The following STK31 variants were observed in gnomAD, a reference collection of about 807,000 sequenced individuals.
The protein encoded by STK31 is serine/threonine-protein kinase 31.
STK31 carries 89 observed loss-of-function variants against 129.7 expected under a neutral mutation model. That is an observed-to-expected ratio of 0.69 (90% CI 0.58 to 0.82). STK31 has a LOEUF of 0.82. STK31 is among the 40% of genes least tolerant of loss of function. STK31 has a pLI of 0.00. For synonymous variants in STK31, 448 were observed against 395.3 expected, an observed-to-expected ratio of 1.13 and a Z score of -1.58; for missense variants, 1,187 against 1,176.4, an observed-to-expected ratio of 1.01 and a Z score of -0.13.
intron 22 of STK31, among the ~76,000 whole-genome samples, chr7:23,805,810 T>C (rs1436449590): frequency 6.6e-6 from 1 of 152,208 alleles, no homozygotes; most frequent in African/African-American, 2.4e-5. Flanking sequence ...AAGGACATTA[T>C]TATGTCTCTT....
At position 23,729,086 on chromosome 7, in the gene STK31, TC is replaced by T; in HGVS notation, c.325-3del. On this transcript the variant is annotated splice_region_variant and splice_polypyrimidine_tract_variant and intron_variant, in intron 5 of 23. Transcript: ENST00000355870. ...GTATTCGTATTTGTCTCTTATTTTT[TC>T]CAGTGTCTGGTGAGGTACATTGACT... 1 of 1,583,366 alleles carries T rather than the reference TC, an allele frequency of 6.3e-7. No homozygotes were observed. The highest frequency in any genetic ancestry group is 2.3e-5 in the East Asian group (1 of 44,074).
At chr7:23,805,233 G>T (rs1271198484) in intron 22 of STK31, among the ~76,000 whole-genome samples, 1 of 151,844 alleles carries the variant, frequency 6.6e-6, no homozygotes, top group African/African-American at 2.4e-5. Flanking sequence ...ACGCTGCCAT[G>T]CCTGGCTAAT....
chr7:23,752,143 T>C (rs1448496562), intron 8 of STK31, among the ~76,000 whole-genome samples: 2 of 152,082 alleles, frequency 1.3e-5, no homozygotes, highest in Non-Finnish European at 2.9e-5. Context: ...GTTATGTATA[T>C]TTTACCACAA....
At chr7:23,772,090 C>T in intron 14 of STK31, 57 bp from the exon 15 acceptor site, 1 of 1,278,324 alleles carries the variant, frequency 7.8e-7, no homozygotes, top group Non-Finnish European at 1.1e-6. Context: ...TAAATGATCA[C>T]TGTTCAATAA....
intron 8 of STK31, among the ~76,000 whole-genome samples, chr7:23,741,256 A>G (rs1163511673): frequency 6.6e-6 from 1 of 152,140 alleles, no homozygotes; most frequent in Non-Finnish European, 1.5e-5. Flanking sequence ...TCTCCAAGCT[A>G]TAGTTCTTTT....
intron 10 of STK31, among the ~76,000 whole-genome samples, chr7:23,761,111 CTTAT>C (rs1476825372): frequency 6.6e-6 from 1 of 152,006 alleles, no homozygotes; most frequent in African/African-American, 2.4e-5. Flanking sequence ...AAAAACCTGC[CTTAT>C]TTGTTTTTGT....
intron 8 of STK31, among the ~76,000 whole-genome samples, chr7:23,747,614 C>T (rs547099232): frequency 5.9e-5 from 9 of 151,972 alleles, no homozygotes; most frequent in East Asian, 1.9e-4. Context: ...GTGATCCACC[C>T]GCCTCGGCCT....
At chr7:23,767,363 A>C (rs2128101792) in intron 11 of STK31, among the ~76,000 whole-genome samples, 1 of 152,286 alleles carries the variant, frequency 6.6e-6, no homozygotes, top group South Asian at 2.1e-4. Flanking sequence ...GGAAGAGTGA[A>C]AGTCTGGACC....
chr7:23,815,371 CTTAA>C lies in STK31; in HGVS notation c.2829+165_2829+168del, dbSNP rs530075036. On this transcript the variant is annotated intron_variant, in intron 23 of 23. Transcript: ENST00000355870. ...AATTCAGGTGCCCTACTTAACACCACTTAATTAATACACCAGGGTTACTCTGCTG... is the reference window on the plus strand; with the variant it reads ...AATTCAGGTGCCCTACTTAACACCACTTAATACACCAGGGTTACTCTGCTG... Among the ~76,000 whole-genome samples the C allele has an allele frequency of 9.2e-4, 140 of 152,158 alleles. 1 individual carries two copies. In the South Asian group the frequency reaches 0.012, roughly 13 times the overall value.
intron 22 of STK31, among the ~76,000 whole-genome samples, chr7:23,813,910 C>G (rs1169550706): frequency 6.6e-6 from 1 of 151,784 alleles, no homozygotes; most frequent in Non-Finnish European, 1.5e-5. Flanking sequence ...TGTGGTTTTC[C>G]TTTGTTGGTG....
intron 22 of STK31, among the ~76,000 whole-genome samples, chr7:23,796,618 G>T (rs529716527): frequency 6.6e-6 from 1 of 152,228 alleles, no homozygotes; most frequent in African/African-American, 2.4e-5. Context: ...GCCACAGCCA[G>T]GATGCAGAAC....
At chr7:23,791,220 A>G (rs1791594455) in intron 22 of STK31, 1 of 956,458 alleles carries the variant, frequency 1.0e-6, no homozygotes, top group African/African-American at 1.8e-5. Flanking sequence ...ATCTGAAAGC[A>G]GTTCATGCAT....
chr7:23,724,759 T>C (rs1326304042), intron 4 of STK31, among the ~76,000 whole-genome samples: 4 of 152,228 alleles, frequency 2.6e-5, no homozygotes, highest in African/African-American at 4.8e-5. Context: ...TCTTGCCCTT[T>C]AGTTGTTTAA....
At chr7:23,772,944 T>A (rs967573957) in intron 15 of STK31, among the ~76,000 whole-genome samples, 4 of 152,198 alleles carry the variant, frequency 2.6e-5, no homozygotes, top group African/African-American at 9.6e-5. Context: ...AGCGGAGGAC[T>A]ATTCTAGAAC....
At chr7:23,750,067 T>TCACCCCCCCCCC (rs1788612132) in intron 8 of STK31, among the ~76,000 whole-genome samples, 1 of 90,556 alleles carries the variant, frequency 1.1e-5, no homozygotes. Flanking sequence ...ATGGTTTGTT[T>TCACCCCCCCCCC]CCCCCCCCGC....
At chr7:23,712,767 CAGTT>C (rs766537446) in intron 3 of STK31, among the ~76,000 whole-genome samples, 3 of 151,864 alleles carry the variant, frequency 2.0e-5, no homozygotes, top group African/African-American at 4.8e-5. Context: ...GGGAGGGTGT[CAGTT>C]AGGTAAGGTT....
chr7:23,769,370 C>T (rs374100543), intron 12 of STK31, among the ~76,000 whole-genome samples, 196 bp downstream of exon 12: 2 of 150,456 alleles, frequency 1.3e-5, no homozygotes, highest in African/African-American at 2.5e-5. Context: ...AAAATCATAT[C>T]GGTCTTGTTC....
At chr7:23,743,144 G>A (rs1264683228) in intron 8 of STK31, among the ~76,000 whole-genome samples, 3 of 149,120 alleles carry the variant, frequency 2.0e-5, no homozygotes, top group Non-Finnish European at 3.0e-5. Context: ...AGTAGAAACG[G>A]GGTTTCACCA....
At chr7:23,797,596 G>T (rs1401787894) in intron 22 of STK31, among the ~76,000 whole-genome samples, 3 of 152,044 alleles carry the variant, frequency 2.0e-5, no homozygotes, top group Admixed American at 6.6e-5. Context: ...AGAATCTCTG[G>T]GACACAGCTA....
Sources: allele counts gnomAD v4.1 joint callset (sites outside exome capture counted in the v4.1 genomes callset), GRCh38; gene constraint gnomAD v4.1.1; transcripts MANE v1.5; gene names NCBI Gene and HGNC (gene_info 2026-07-23, HGNC 2026-07-21).